The following SEMA4F variants were observed in gnomAD, a reference collection of about 807,000 sequenced individuals.
SEMA4F encodes semaphorin-4F.
Under a neutral mutation model 78.4 loss-of-function variants are expected in SEMA4F, and 51 were observed. The observed-to-expected ratio is 0.65, with a 90% CI of 0.52 to 0.82. SEMA4F has a LOEUF of 0.82. SEMA4F is among the 40% of genes least tolerant of loss of function. SEMA4F has a pLI of 0.00. For synonymous variants in SEMA4F, 418 were observed against 408.7 expected (o/e 1.02, Z -0.27); for missense variants, 938 against 1,014.4 (o/e 0.92, Z 1.02).
chr2:74,704,462 C>A, the SEMA4F span, among the ~76,000 whole-genome samples: 1 of 151,410 alleles, frequency 6.6e-6, no homozygotes, highest in South Asian at 2.1e-4. Flanking sequence ...AGTTGATGCA[C>A]GTCTCTCAGG....
At chr2:74,700,880 G>A in the SEMA4F span, among the ~76,000 whole-genome samples, 34 of 152,330 alleles carry the variant, frequency 2.2e-4, no homozygotes, top group Non-Finnish European at 4.4e-4. Flanking sequence ...GGTCTCTGGA[G>A]AATTCCTGGT....
chr2:74,674,933 C>CATTCGG lies in SEMA4F; in HGVS notation c.1049_1054dup (p.Ile350_Arg351dup), dbSNP rs1332596081. 3.1e-6 allele frequency: 5 copies of CATTCGG among 1,613,874 alleles called. No homozygotes were observed. Among genetic ancestry groups the CATTCGG allele is most frequent in the Non-Finnish European group, 4.2e-6 (5 of 1,180,006 alleles). On this transcript the variant is annotated inframe_insertion, in exon 9 of 14. Transcript: ENST00000357877. The stretch of plus-strand genomic sequence containing the variant: ...CTGTCTGTGCCTTCCGACCACAAGA[C>CATTCGG]ATTCGGACAGTGCTGAATGGTCCCT...
the SEMA4F span, among the ~76,000 whole-genome samples, chr2:74,701,891 G>A: frequency 1.3e-5 from 2 of 152,166 alleles, no homozygotes; most frequent in African/African-American, 2.4e-5. Flanking sequence ...GGAAGCCCAG[G>A]AAAAAGGTAA....
Position 74,657,693 on chromosome 2 carries a change from C to G in SEMA4F, c.357+69C>G, listed in dbSNP as rs1461256840. 3 of 1,510,728 alleles carry G rather than the reference C, an allele frequency of 2.0e-6. No homozygotes were observed. In the African/African-American group the frequency reaches 4.1e-5, roughly 21 times the overall value. 93.6% of individuals were successfully genotyped at this position (1,510,728 alleles called of 1,614,324 possible). On this transcript the variant is annotated intron_variant, in intron 3 of 13. Transcript: ENST00000357877. ...TTGGCCCAGCCCTGACTCTCAGTCC[C>G]CTGTAATGCTTCCATACCAATGGGC...
intron 5 of SEMA4F, among the ~76,000 whole-genome samples, chr2:74,671,658 A>G (rs1405583429): frequency 6.6e-6 from 1 of 152,208 alleles, no homozygotes; most frequent in Non-Finnish European, 1.5e-5. Context: ...CCCTGTTCCC[A>G]GGCTCTTCCC....
At chr2:74,671,827 C>T (rs1464963891) in intron 5 of SEMA4F, among the ~76,000 whole-genome samples, 2 of 152,186 alleles carry the variant, frequency 1.3e-5, no homozygotes. Context: ...TACCATCAGT[C>T]TTAGAAGCTA....
chr2:74,660,910 A>C (rs909457074), intron 4 of SEMA4F, among the ~76,000 whole-genome samples: 2 of 152,228 alleles, frequency 1.3e-5, no homozygotes, highest in African/African-American at 4.8e-5. Context: ...TTTGCATAGA[A>C]TATCTGGCTG....
In SEMA4F at chr2:74,683,298, G is replaced by A. The variant is rs1227924990; in HGVS notation, c.*3089G>A. 6.6e-6 allele frequency: 1 copy of A among 152,146 alleles called. No individual in the cohort carries two copies. Among genetic ancestry groups the A allele is most frequent in the Admixed American group, 6.5e-5 (1 of 15,272 alleles). 9.4% of individuals were successfully genotyped at this position (152,146 alleles called of 1,614,324 possible). A position where few individuals can be genotyped will look rare whatever the true frequency, so the allele number is the denominator to read the frequency against. ...AAGGGCCACTAATCACCTCACATGG[G>A]TTCATCTGAACTTTATGCCAGCCCA... On this transcript the variant is annotated 3_prime_UTR_variant, in exon 14 of 14. Transcript: ENST00000357877.
intron 1 of SEMA4F, 113 bp from the exon 2 acceptor site, chr2:74,656,421 T>G: frequency 1.0e-6 from 1 of 998,574 alleles, no homozygotes; most frequent in Non-Finnish European, 1.5e-6. Flanking sequence ...CCCCCATGGC[T>G]GCTTAATAAA....
At chr2:74,698,394 G>A in the SEMA4F span, among the ~76,000 whole-genome samples, 1 of 152,250 alleles carries the variant, frequency 6.6e-6, no homozygotes, top group Non-Finnish European at 1.5e-5. Flanking sequence ...CTGTCATAGA[G>A]TTGGGGTACA....
the SEMA4F span, among the ~76,000 whole-genome samples, chr2:74,691,314 A>G: frequency 6.6e-6 from 1 of 152,206 alleles, no homozygotes; most frequent in Non-Finnish European, 1.5e-5. Flanking sequence ...TGATTATGCA[A>G]AAGCTTTCAG....
At chr2:74,699,893 A>G in the SEMA4F span, among the ~76,000 whole-genome samples, 2 of 152,190 alleles carry the variant, frequency 1.3e-5, no homozygotes, top group South Asian at 4.1e-4. Flanking sequence ...GGGAGGGCAG[A>G]AGTGGAGGCA....
At chr2:74,656,824 TG>T in intron 2 of SEMA4F, 139 bp downstream of exon 2, 2 of 717,338 alleles carry the variant, frequency 2.8e-6, no homozygotes, top group Non-Finnish European at 4.4e-6. Context: ...TTGGGAGACA[TG>T]GGGGGAGATC....
rs1395543674 is a variant in SEMA4F at position 74,654,460 on chromosome 2, G to C, written c.84G>C (p.Leu28=). The C allele has an allele frequency of 7.0e-6, 11 of 1,575,018 alleles. No individual in the cohort carries two copies. The East Asian group carries it at 2.2e-4, about 31-fold the overall frequency. Residue 28 remains leucine (L), a synonymous_variant, in exon 1 of 14, where the codon CTG becomes CTC. Transcript: ENST00000357877. ...TCCCGCTACTGCTGCTGGCGGTGCT[G>C]AGCGGCCCGGTATCCGGCCGCGTCC... The part of the protein sequence containing the change: ...SPFPLLLLAV[L]SGPVSGRVPR...
In SEMA4F at chr2:74,675,355, A is replaced by C. The variant is rs753007350; in HGVS notation, c.1343A>C (p.Lys448Thr). The change falls in exon 10 of 14, where the codon AAA becomes ACA. Residue 448 changes from lysine (K) to threonine (T), a missense_variant. By Grantham distance (78) the Lys-to-Thr change is moderately conservative. Coordinates refer to ENST00000357877, the MANE Select transcript of SEMA4F (RefSeq NM_004263.5). ...VAHRVTSLSG[K>T]EYDVLYLGTE... ...CACAGGGTGACCAGCCTCTCAGGGA[A>C]AGAGTATGATGTGCTCTACCTGGGG... is the stretch of plus-strand genomic sequence containing the variant. 2.5e-6 allele frequency: 4 copies of C among 1,613,996 alleles called. No individual in the cohort carries two copies. In the East Asian group the frequency reaches 8.9e-5, roughly 36 times the overall value.
chr2:74,700,391 C>G, the SEMA4F span, among the ~76,000 whole-genome samples: 11 of 152,096 alleles, frequency 7.2e-5, no homozygotes, highest in African/African-American at 2.7e-4. Flanking sequence ...AATGATATGT[C>G]TCCTGCCTGA....
intron 1 of SEMA4F, chr2:74,655,297 A>G: frequency 2.5e-6 from 1 of 407,234 alleles, no homozygotes; most frequent in Non-Finnish European, 5.0e-6. Context: ...GGAGGGGGAT[A>G]TGATCCTTTG....
intron 8 of SEMA4F, 21 bp downstream of exon 8, chr2:74,674,697 G>T (rs1199512461): frequency 1.2e-6 from 2 of 1,611,866 alleles, no homozygotes; most frequent in Admixed American, 1.7e-5. Flanking sequence ...TTGGTGTGGA[G>T]GAGAGTTACA....
intron 2 of SEMA4F, among the ~76,000 whole-genome samples, chr2:74,656,999 A>G (rs1314449342): frequency 6.6e-6 from 1 of 152,150 alleles, no homozygotes; most frequent in Non-Finnish European, 1.5e-5. Context: ...CAGCTTTCAA[A>G]CTTTTTTTTG....
Sources: allele counts gnomAD v4.1 joint callset (sites outside exome capture counted in the v4.1 genomes callset), GRCh38; gene constraint gnomAD v4.1.1; transcripts MANE v1.5; gene names NCBI Gene and HGNC (gene_info 2026-07-23, HGNC 2026-07-21).